Variants in DPYD observed in about 807,000 individuals in gnomAD.
The protein encoded by DPYD is dihydropyrimidine dehydrogenase, also known as dihydropyrimidine dehydrogenase [NADP(+)].
A neutral mutation model predicts 116.2 loss-of-function variants in DPYD; 109 were observed. The observed-to-expected ratio is 0.94, with a 90% CI of 0.80 to 1.10. The LOEUF (loss-of-function observed/expected upper bound fraction) is 1.10, where lower values mean the gene tolerates loss of function less well. Ranked by LOEUF, DPYD falls within the 50% of genes least tolerant of loss-of-function variation. DPYD has a pLI of 0.00. For missense variants in DPYD, 1,302 were observed against 1,254.5 expected, an observed-to-expected ratio of 1.04 and a Z score of -0.57; for synonymous variants, 440 against 432.0, an observed-to-expected ratio of 1.02 and a Z score of -0.23.
chr1:97,735,192 G>A (rs984863648), intron 4 of DPYD, among the ~76,000 whole-genome samples: 2 of 151,998 alleles, frequency 1.3e-5, no homozygotes, highest in African/African-American at 4.8e-5. Flanking sequence ...ACAGTTCTCA[G>A]AGAATTTCCT....
chr1:97,747,010 C>T (rs754209370), intron 3 of DPYD, among the ~76,000 whole-genome samples: 2 of 151,380 alleles, frequency 1.3e-5, no homozygotes, highest in Non-Finnish European at 2.9e-5. Context: ...AATGAAATTA[C>T]TGTAGGTTGC....
rs763623595 is a variant in DPYD at position 97,721,569 on chromosome 1, A to C, written c.424T>G (p.Leu142Val). 26 of 1,611,916 alleles carry C rather than the reference A, an allele frequency of 1.6e-5. No homozygotes were observed. The South Asian group carries it at 2.7e-4, about 17-fold the overall frequency. The stretch of plus-strand genomic sequence containing the variant: ...ATGGGTCCCTCTTCAGTGGCATATA[A>C]ATTGCATCCACCTACACAAAGATCA... ...TSDLCVGGCN[L>V]YATEEGPINI... Residue 142 changes from leucine to valine, a missense_variant, in exon 5 of 23, where the codon TTA becomes GTA. Leu to Val is a conservative substitution (Grantham distance 32, BLOSUM62 1). Transcript: ENST00000370192.
At chr1:97,582,382 A>G (rs1653751751) in intron 10 of DPYD, among the ~76,000 whole-genome samples, 1 of 152,258 alleles carries the variant, frequency 6.6e-6, no homozygotes, top group Non-Finnish European at 1.5e-5. Flanking sequence ...TATTTAATTC[A>G]TATGAATTTG....
chr1:97,918,235 A>T (rs1468496002), intron 1 of DPYD, among the ~76,000 whole-genome samples: 1 of 152,122 alleles, frequency 6.6e-6, no homozygotes, highest in Non-Finnish European at 1.5e-5. Context: ...TTTCCCAACA[A>T]GATGCTGTCA....
intron 20 of DPYD, among the ~76,000 whole-genome samples, chr1:97,125,982 C>T (rs898760624): frequency 5.3e-5 from 8 of 151,980 alleles, no homozygotes; most frequent in African/African-American, 1.9e-4. Context: ...TAATTTATAT[C>T]ATTCCTTTCT....
chr1:97,349,570 C>T (rs1475534355), intron 16 of DPYD, among the ~76,000 whole-genome samples: 1 of 152,020 alleles, frequency 6.6e-6, no homozygotes, highest in South Asian at 2.1e-4. Flanking sequence ...TTGTTCAATT[C>T]CCACCTATGA....
At chr1:97,707,113 A>C (rs560574572) in intron 5 of DPYD, among the ~76,000 whole-genome samples, 1 of 152,140 alleles carries the variant, frequency 6.6e-6, no homozygotes, top group South Asian at 2.1e-4. Flanking sequence ...AATGTTAGAA[A>C]GGTGGGGTTT....
chr1:97,507,131 A>T (rs1029697710), intron 13 of DPYD, among the ~76,000 whole-genome samples: 4 of 152,134 alleles, frequency 2.6e-5, no homozygotes, highest in African/African-American at 9.6e-5. Context: ...ACTATATGTG[A>T]ACTGTAGCCA....
intron 19 of DPYD, among the ~76,000 whole-genome samples, chr1:97,226,253 C>A (rs1055924782): frequency 6.6e-6 from 1 of 151,932 alleles, no homozygotes; most frequent in Non-Finnish European, 1.5e-5. Flanking sequence ...CAGTAAAGGC[C>A]ATATATCACA....
chr1:97,338,519 C>G (rs1027425243), intron 16 of DPYD, among the ~76,000 whole-genome samples: 1 of 152,162 alleles, frequency 6.6e-6, no homozygotes, highest in Non-Finnish European at 1.5e-5. Flanking sequence ...AAGAAGAGCA[C>G]GTCTGCCAAG....
intron 20 of DPYD, among the ~76,000 whole-genome samples, chr1:97,160,601 G>A (rs1655819595): frequency 6.6e-6 from 1 of 151,990 alleles, no homozygotes; most frequent in African/African-American, 2.4e-5. Flanking sequence ...CTAGTTCCCA[G>A]GGTTTAAAAT....
chr1:97,687,320 G>C (rs554767347), intron 7 of DPYD, among the ~76,000 whole-genome samples: 2 of 151,870 alleles, frequency 1.3e-5, no homozygotes, highest in Non-Finnish European at 2.9e-5. Flanking sequence ...TAAAGGACAT[G>C]AACAGACATT....
chr1:97,913,846 G>T (rs1030856789), intron 1 of DPYD, among the ~76,000 whole-genome samples: 1 of 151,696 alleles, frequency 6.6e-6, no homozygotes, highest in Admixed American at 6.6e-5. Flanking sequence ...AATAAAACAT[G>T]GGGGGGAGGA....
At chr1:97,893,889 T>C (rs963794493) in intron 1 of DPYD, among the ~76,000 whole-genome samples, 6 of 151,800 alleles carry the variant, frequency 4.0e-5, no homozygotes, top group African/African-American at 1.2e-4. Context: ...AAAGTCTTTT[T>C]ATTGTCTTTC....
intron 1 of DPYD, among the ~76,000 whole-genome samples, chr1:97,908,083 T>C (rs1673734992): frequency 1.3e-5 from 2 of 152,062 alleles, no homozygotes; most frequent in Non-Finnish European, 2.9e-5. Context: ...CGTCACTCTG[T>C]TGCCCAAGCT....
At chr1:97,392,367 T>C (rs1262834844) in intron 14 of DPYD, among the ~76,000 whole-genome samples, 5 of 151,980 alleles carry the variant, frequency 3.3e-5, no homozygotes, top group African/African-American at 4.8e-5. Flanking sequence ...CCTTCTTTTT[T>C]TTTTCTAGAT....
Position 97,516,547 on chromosome 1 carries a change from T to G in DPYD, c.1525-606A>C, listed in dbSNP as rs559880307. Among the ~76,000 whole-genome samples the G allele has an allele frequency of 2.9e-4, 44 of 151,870 alleles. 2 individuals carry two copies. Among genetic ancestry groups the G allele is most frequent in the African/African-American group, 1.0e-3 (42 of 41,440 alleles). Reference sequence around the variant, plus strand: ...GTAGTGTTCTCATGCATTACGGGGGTTTGTTCTTTTTTCTGAAACCAAATA... The same window carrying G: ...GTAGTGTTCTCATGCATTACGGGGGGTTGTTCTTTTTTCTGAAACCAAATA... On this transcript the variant is annotated intron_variant, in intron 12 of 22. Coordinates refer to ENST00000370192, the MANE Select transcript of DPYD (RefSeq NM_000110.4).
intron 2 of DPYD, among the ~76,000 whole-genome samples, chr1:97,879,527 A>G (rs1220588546): frequency 2.0e-5 from 3 of 151,970 alleles, no homozygotes; most frequent in Non-Finnish European, 2.9e-5. Flanking sequence ...AACAGCAGTT[A>G]TGGAACACCT....
intron 17 of DPYD, among the ~76,000 whole-genome samples, chr1:97,305,841 A>G (rs976450749): frequency 6.6e-6 from 1 of 151,936 alleles, no homozygotes; most frequent in Non-Finnish European, 1.5e-5. Context: ...TTACTCATTA[A>G]AGTTTAATAT....
Sources: allele counts gnomAD v4.1 joint callset (sites outside exome capture counted in the v4.1 genomes callset), GRCh38; gene constraint gnomAD v4.1.1; transcripts MANE v1.5; gene names NCBI Gene and HGNC (gene_info 2026-07-23, HGNC 2026-07-21).